The following RPS6KC1 variants were observed in gnomAD, a reference collection of about 807,000 sequenced individuals.
The protein encoded by RPS6KC1 is ribosomal protein S6 kinase C1.
Under a neutral mutation model 103.8 loss-of-function variants are expected in RPS6KC1, and 54 were observed. The observed-to-expected ratio is 0.52, with a 90% confidence interval of 0.42 to 0.65. The LOEUF (loss-of-function observed/expected upper bound fraction) is 0.65. RPS6KC1 is among the 30% of genes least tolerant of loss of function. The pLI is 0.00. For synonymous variants in RPS6KC1, 439 were observed against 438.7 expected (o/e 1.00, Z -0.01); for missense variants, 1,151 against 1,253.8 (o/e 0.92, Z 1.24).
the RPS6KC1 span, among the ~76,000 whole-genome samples, chr1:213,828,290 C>T: frequency 6.6e-6 from 1 of 152,170 alleles, no homozygotes; most frequent in Non-Finnish European, 1.5e-5. Flanking sequence ...TGTCCCTTCT[C>T]CCCACAGTGC....
At chr1:213,757,029 ATGT>A in the RPS6KC1 span, among the ~76,000 whole-genome samples, 1 of 152,170 alleles carries the variant, frequency 6.6e-6, no homozygotes, top group Admixed American at 6.5e-5. Flanking sequence ...GACTTAATAA[ATGT>A]TGTGTGTTCT....
chr1:213,734,993 G>A, the RPS6KC1 span, among the ~76,000 whole-genome samples: 1 of 152,076 alleles, frequency 6.6e-6, no homozygotes. Flanking sequence ...GCTTGATCTC[G>A]GCTCACTGCA....
At chr1:213,304,075 G>C in the RPS6KC1 span, among the ~76,000 whole-genome samples, 1 of 150,094 alleles carries the variant, frequency 6.7e-6, no homozygotes, top group African/African-American at 2.4e-5. Context: ...GCGTAGTGGC[G>C]GGCGCCTGTA....
the RPS6KC1 span, among the ~76,000 whole-genome samples, chr1:213,398,829 G>A: frequency 6.6e-6 from 1 of 151,462 alleles, no homozygotes; most frequent in Non-Finnish European, 1.5e-5. Context: ...TCAGTTCTTT[G>A]AGACATTAGA....
chr1:213,221,510 C>G (rs2093831811), intron 8 of RPS6KC1, among the ~76,000 whole-genome samples: 1 of 152,134 alleles, frequency 6.6e-6, no homozygotes, highest in African/African-American at 2.4e-5. Flanking sequence ...CTGCCACCAG[C>G]TAAACTGGTG....
the RPS6KC1 span, among the ~76,000 whole-genome samples, chr1:213,726,645 T>C: frequency 0.46 from 70,132 of 152,060 alleles, 17,129 homozygotes; most frequent in East Asian, 0.75. Context: ...TTTCTCATCA[T>C]CTTTTCCATC....
chr1:213,722,290 A>G, the RPS6KC1 span, among the ~76,000 whole-genome samples: 2 of 152,112 alleles, frequency 1.3e-5, no homozygotes, highest in African/African-American at 2.4e-5. Context: ...AAACATGACA[A>G]ACTCCTCCAG....
At chr1:213,154,650 T>G (rs2089664155) in intron 6 of RPS6KC1, among the ~76,000 whole-genome samples, 1 of 152,202 alleles carries the variant, frequency 6.6e-6, no homozygotes, top group South Asian at 2.1e-4. Context: ...TTGAGGGTAG[T>G]GGGTTCCCCA....
At chr1:213,602,122 C>CTTTCTTTCTTTCTTTA in the RPS6KC1 span, among the ~76,000 whole-genome samples, 1 of 27,680 alleles carries the variant, frequency 3.6e-5, no homozygotes, top group Non-Finnish European at 6.7e-5. Context: ...CTTTCTTTCT[C>CTTTCTTTCTTTCTTTA]TTTCTTTCTT....
chr1:213,525,856 G>A, the RPS6KC1 span, among the ~76,000 whole-genome samples: 12 of 152,124 alleles, frequency 7.9e-5, no homozygotes, highest in Admixed American at 7.9e-4. Context: ...GTAGAGTGGT[G>A]GGGGGAAGGC....
At chr1:213,753,540 A>G in the RPS6KC1 span, among the ~76,000 whole-genome samples, 1 of 151,886 alleles carries the variant, frequency 6.6e-6, no homozygotes, top group Admixed American at 6.6e-5. Flanking sequence ...CCTTCATTCC[A>G]TCACAGAACT....
the RPS6KC1 span, among the ~76,000 whole-genome samples, chr1:213,290,530 C>CTCCACATTGGTT: frequency 6.6e-6 from 1 of 152,126 alleles, no homozygotes; most frequent in Non-Finnish European, 1.5e-5. Context: ...CTGCTTCTGA[C>CTCCACATTGGTT]TCCAGCCCTT....
chr1:213,092,741 A>G (rs547656195), intron 3 of RPS6KC1, among the ~76,000 whole-genome samples: 57 of 150,822 alleles, frequency 3.8e-4, no homozygotes, highest in Middle Eastern at 3.5e-3. Context: ...TAAACAAAAC[A>G]AACGCGTATA....
At chr1:213,740,456 T>G in the RPS6KC1 span, among the ~76,000 whole-genome samples, 1 of 152,144 alleles carries the variant, frequency 6.6e-6, no homozygotes, top group African/African-American at 2.4e-5. Context: ...GTTAACTCTT[T>G]GCTGGCATTT....
the RPS6KC1 span, among the ~76,000 whole-genome samples, chr1:213,658,266 A>G: frequency 6.6e-6 from 1 of 152,210 alleles, no homozygotes; most frequent in African/African-American, 2.4e-5. Flanking sequence ...CCACTTGTAG[A>G]TGAGCCTGGG....
the RPS6KC1 span, among the ~76,000 whole-genome samples, chr1:213,385,611 G>A: frequency 4.2e-4 from 64 of 152,342 alleles, no homozygotes; most frequent in African/African-American, 1.4e-3. Flanking sequence ...TGTCCTGTGT[G>A]TCCAAGAAGC....
At chr1:213,065,322 T>C (rs533903608) in intron 1 of RPS6KC1, among the ~76,000 whole-genome samples, 6 of 152,310 alleles carry the variant, frequency 3.9e-5, no homozygotes, top group Non-Finnish European at 2.9e-5. Flanking sequence ...ATTCCAACTT[T>C]TGTGGAATTT....
the RPS6KC1 span, among the ~76,000 whole-genome samples, chr1:213,858,744 C>A: frequency 6.6e-6 from 1 of 152,124 alleles, no homozygotes; most frequent in Non-Finnish European, 1.5e-5. Context: ...CCTCCTGGAC[C>A]CACAAGATAA....
chr1:213,717,963 A>T, the RPS6KC1 span, among the ~76,000 whole-genome samples: 1 of 151,930 alleles, frequency 6.6e-6, no homozygotes, highest in Admixed American at 6.6e-5. Context: ...GCAGATCCCT[A>T]CTCTGCCGTC....
Sources: gnomAD v4.1 joint callset for allele counts (sites outside exome capture counted in the v4.1 genomes callset) on GRCh38, gnomAD v4.1.1 for gene constraint, MANE v1.5 for transcripts, NCBI Gene and HGNC (gene_info 2026-07-23, HGNC 2026-07-21) for gene names.